Variants in COL11A2 observed in about 807,000 individuals in gnomAD.
COL11A2 encodes collagen alpha-2(XI) chain.
In COL11A2, 116 loss-of-function variants were observed where a neutral mutation model predicts 273.4. That is an observed-to-expected ratio of 0.42 (90% CI 0.36 to 0.49). The LOEUF (loss-of-function observed/expected upper bound fraction) is 0.49. Ranked by LOEUF, COL11A2 falls within the 20% of genes least tolerant of loss-of-function variation. The pLI is 0.00. For missense variants in COL11A2, 1,866 were observed against 2,309.0 expected (o/e 0.81, Z 3.93); for synonymous variants, 782 against 864.2 (o/e 0.90, Z 1.67).
intron 8 of COL11A2, among the ~76,000 whole-genome samples, chr6:33,182,303 G>C (rs1478091380): frequency 6.6e-6 from 1 of 152,186 alleles, no homozygotes; most frequent in Non-Finnish European, 1.5e-5. Flanking sequence ...GATGAAAGCT[G>C]TGAGTCTTTC....
Position 33,164,922 on chromosome 6 carries a change from G to A in COL11A2, c.4793C>T (p.Ala1598Val). Residue 1598 changes from alanine (A) to valine (V), a missense_variant, in exon 64 of 66, where the codon GCC (alanine) becomes GTC (valine). Transcript: ENST00000341947. The surrounding 1 kb of genome is among the most constrained non-coding windows in gnomAD (Gnocchi z 4.7). The stretch of plus-strand genomic sequence containing the variant: ...TGTGAAGTTGCAGAAAACTCGGAAG[G>A]CATCCCGAGCACAGCCCTGGTTGGG... ...VDPNQGCARD[A>V]FRVFCNFTAG... 2 of 1,580,986 alleles carry A rather than the reference G, an allele frequency of 1.3e-6. No homozygotes were observed. Among genetic ancestry groups the A allele is most frequent in the Non-Finnish European group, 1.7e-6 (2 of 1,162,096 alleles).
chr6:33,164,522 C>G lies in COL11A2; in HGVS notation c.4864-49G>C. On this transcript the variant is annotated intron_variant, in intron 64 of 65. Coordinates refer to ENST00000341947, the MANE Select transcript of COL11A2 (RefSeq NM_080680.3). The surrounding 1 kb of genome is among the most constrained non-coding windows in gnomAD (Gnocchi z 4.7). The stretch of plus-strand genomic sequence containing the variant: ...CTCAGAGGGGGAGAGAGAGGGCTGG[C>G]CTCAGAGGGAGACAGAGACGGGCCT... The G allele has an allele frequency of 6.9e-7, 1 of 1,445,120 alleles. No individual in the cohort carries two copies. Among genetic ancestry groups the G allele is most frequent in the Non-Finnish European group, 9.3e-7 (1 of 1,076,116 alleles). 89.5% of individuals were successfully genotyped at this position (1,445,120 alleles called of 1,614,324 possible). A position where few individuals can be genotyped will look rare whatever the true frequency, so the allele number is the denominator to read the frequency against.
chr6:33,179,001 A>G lies in COL11A2; in HGVS notation c.1612-28T>C. ...GGGAGAACAAGGGAAGTGTCAGAAC[A>G]AGCAGGGCCGCAGTCCCCTACCCTG... On this transcript the variant is annotated intron_variant, in intron 16 of 65. Coordinates refer to ENST00000341947, the MANE Select transcript of COL11A2 (RefSeq NM_080680.3). The surrounding 1 kb of genome is among the most constrained non-coding windows in gnomAD (Gnocchi z 6.4). The G allele has an allele frequency of 6.2e-7, 1 of 1,614,096 alleles. No homozygotes were observed. Among genetic ancestry groups the G allele is most frequent in the South Asian group, 1.1e-5 (1 of 91,080 alleles).
In COL11A2 at chr6:33,177,217, G is replaced by A. The variant is rs2229786; in HGVS notation, c.1980C>T (p.Pro660=). Reference sequence around the variant, plus strand: ...GAGGGCCGATGGCACCCTGGGGCCCGGGAAGACCCTACATACAGGGAAAGA... The same window carrying A: ...GAGGGCCGATGGCACCCTGGGGCCCAGGAAGACCCTACATACAGGGAAAGA... ...QQGTPGTQGL[P]GPQGAIGPHG... The change falls in exon 24 of 66, where the codon CCC becomes CCT. Residue 660 remains proline, a synonymous_variant. Transcript: ENST00000341947. The surrounding 1 kb of genome is among the most constrained non-coding windows in gnomAD (Gnocchi z 5.9). 113 of 1,612,994 alleles carry A rather than the reference G, an allele frequency of 7.0e-5. No homozygotes were observed. The East Asian group carries it at 1.3e-3, about 19-fold the overall frequency.
intron 1 of COL11A2, among the ~76,000 whole-genome samples, chr6:33,191,183 C>T (rs1254690221): frequency 6.6e-6 from 1 of 152,328 alleles, no homozygotes; most frequent in African/African-American, 2.4e-5. Context: ...AGGCACCATA[C>T]GCCTCAATTT....
chr6:33,169,715 G>C lies in COL11A2; in HGVS notation c.3690+116C>G. The stretch of plus-strand genomic sequence containing the variant: ...ATCAGGCCTCATAGAGGATGGCAGG[G>C]AGCAGAGACTCTTGCTGCAGAGGAG... On this transcript the variant is annotated intron_variant, in intron 50 of 65. Transcript: ENST00000341947. The surrounding 1 kb of genome is among the most constrained non-coding windows in gnomAD (Gnocchi z 5.5). 1 of 1,319,562 alleles carries C rather than the reference G, an allele frequency of 7.6e-7. No individual in the cohort carries two copies. The highest frequency in any genetic ancestry group is 1.1e-6 in the Non-Finnish European group (1 of 912,164). The allele number at this position is 1,319,562 out of a possible 1,614,324, so 81.7% of individuals were successfully genotyped here.
chr6:33,173,356 C>G lies in COL11A2; in HGVS notation c.2728G>C (p.Gly910Arg), dbSNP rs905715005. 1 of 1,612,430 alleles carries G rather than the reference C, an allele frequency of 6.2e-7. No individual in the cohort carries two copies. The highest frequency in any genetic ancestry group is 8.5e-7 in the Non-Finnish European group (1 of 1,179,904). The change falls in exon 37 of 66, where the codon GGA (glycine) becomes CGA (arginine). Residue 910 changes from glycine (G) to arginine (R), a missense_variant. Transcript: ENST00000341947. This position sits in a 1 kb window ranked among gnomAD's most constrained non-coding sequence, Gnocchi z 6.3. The part of the protein sequence containing the change: ...DGLPGHPGQR[G>R]EVGFQGKTGP... Reference sequence around the variant, plus strand: ...CCAGGAGCATCACTCACCACTTCTCCTCTTTGGCCTGGGTGTCCCGGCAGC... The same window carrying G: ...CCAGGAGCATCACTCACCACTTCTCGTCTTTGGCCTGGGTGTCCCGGCAGC...
chr6:33,174,688 AC>A, intron 30 of COL11A2, 108 bp from the exon 31 acceptor site: 1 of 950,120 alleles, frequency 1.1e-6, no homozygotes, highest in Non-Finnish European at 1.7e-6. Context: ...CCAGCAACAC[AC>A]CCCACACACC....
At position 33,188,461 on chromosome 6, in the gene COL11A2, C is replaced by A; in HGVS notation, c.507G>T (p.Lys169Asn). ...TTCGGGGGAGAGGCCGGGTGACTCGCTTCTTGCAGTCAACAATGAGGGTGA... is the reference window on the plus strand; with the variant it reads ...TTCGGGGGAGAGGCCGGGTGACTCGATTCTTGCAGTCAACAATGAGGGTGA... Reference protein sequence around the residue: ...QSVTLIVDCKKRVTRPLPRSA... With the variant: ...QSVTLIVDCKNRVTRPLPRSA... The change falls in exon 4 of 66, where the codon AAG becomes AAT. Residue 169 changes from lysine (K) to asparagine (N), a missense_variant. Lys to Asn is a moderately conservative substitution (Grantham distance 94). Transcript: ENST00000341947. 6.2e-7 allele frequency: 1 copy of A among 1,613,016 alleles called. No homozygotes were observed. Among genetic ancestry groups the A allele is most frequent in the Non-Finnish European group, 8.5e-7 (1 of 1,180,020 alleles).
intron 41 of COL11A2, 50 bp downstream of exon 41, chr6:33,172,000 C>T (rs763559790): frequency 6.2e-7 from 1 of 1,605,184 alleles, no homozygotes. Context: ...CCCTTCCTCA[C>T]CCACCCCTTT....
chr6:33,166,676 C>A lies in COL11A2; in HGVS notation c.4338+44G>T. ...ACTCCAACTCCACCCCTCTCCACCC[C>A]ACTCTCAACCCCCACAACTTCCGGG... On this transcript the variant is annotated intron_variant, in intron 59 of 65. Coordinates refer to ENST00000341947, the MANE Select transcript of COL11A2 (RefSeq NM_080680.3). This position sits in a 1 kb window ranked among gnomAD's most constrained non-coding sequence, Gnocchi z 4.8. The A allele has an allele frequency of 6.2e-7, 1 of 1,612,682 alleles. No individual in the cohort carries two copies. Among genetic ancestry groups the A allele is most frequent in the Non-Finnish European group, 8.5e-7 (1 of 1,178,838 alleles).
chr6:33,171,651 C>T (rs758978514), intron 42 of COL11A2, 62 bp downstream of exon 42: 2 of 1,597,238 alleles, frequency 1.3e-6, no homozygotes, highest in Non-Finnish European at 1.7e-6. Flanking sequence ...CTTGTCATAG[C>T]CCATCAACCC....
rs769380263 is a variant in COL11A2, at chr6:33,180,652, G to A, written c.1284+16C>T. On this transcript the variant is annotated intron_variant, in intron 11 of 65. Coordinates refer to ENST00000341947, the MANE Select transcript of COL11A2 (RefSeq NM_080680.3). ...TCCCCCGAAGCTCCCCCGTCACATGGAGGACACCCCCTTACCCTCTCTCCA... is the reference window on the plus strand; with the variant it reads ...TCCCCCGAAGCTCCCCCGTCACATGAAGGACACCCCCTTACCCTCTCTCCA... 13 of 1,599,240 alleles carry A rather than the reference G, an allele frequency of 8.1e-6. No homozygotes were observed. The highest frequency in any genetic ancestry group is 6.7e-5 in the South Asian group (6 of 88,994).
Position 33,166,929 on chromosome 6 carries a change from T to A in COL11A2, c.4231-102A>T. On this transcript the variant is annotated intron_variant, in intron 58 of 65. Coordinates refer to ENST00000341947, the MANE Select transcript of COL11A2 (RefSeq NM_080680.3). This position sits in a 1 kb window ranked among gnomAD's most constrained non-coding sequence, Gnocchi z 4.8. ...GAGAGGGAGCCGGGCACAGGGTCCG[T>A]GAGTGGCCCTCACTGAGCAGGGACT... 1 of 1,512,922 alleles carries A rather than the reference T, an allele frequency of 6.6e-7. No homozygotes were observed. The highest frequency in any genetic ancestry group is 9.1e-7 in the Non-Finnish European group (1 of 1,104,280). 93.7% of individuals were successfully genotyped at this position (1,512,922 alleles called of 1,614,324 possible).
In COL11A2 at chr6:33,176,342, G is replaced by A. The variant is rs375287016; in HGVS notation, c.2170-39C>T. 2.2e-3 allele frequency: 3,510 copies of A among 1,601,308 alleles called. 91 individuals carry two copies. In the South Asian group the frequency reaches 0.033, roughly 15 times the overall value. On this transcript the variant is annotated intron_variant, in intron 27 of 65. Transcript: ENST00000341947. This position sits in a 1 kb window ranked among gnomAD's most constrained non-coding sequence, Gnocchi z 4.9. ...GGGGATAGAAGTAGACTGATCAGGG[G>A]ATGGAGGTGGGTTGGAAGGACCAAG... is the stretch of plus-strand genomic sequence containing the variant.
In COL11A2 at chr6:33,179,910, C is replaced by T; in HGVS notation, c.1360-105G>A. 3 of 1,079,740 alleles carry T rather than the reference C, an allele frequency of 2.8e-6. No individual in the cohort carries two copies. The highest frequency in any genetic ancestry group is 4.2e-6 in the Non-Finnish European group (3 of 713,982). 66.9% of individuals were successfully genotyped at this position (1,079,740 alleles called of 1,614,324 possible). ...TTCTGCCCCTTGCCCCAGGTTCTGC[C>T]CATCCAGCATTTCCCATGGCTTCCA... On this transcript the variant is annotated intron_variant, in intron 12 of 65. Transcript: ENST00000341947. This position sits in a 1 kb window ranked among gnomAD's most constrained non-coding sequence, Gnocchi z 6.4.
At chr6:33,193,272 CCCGCAGCGCGCCCGGAGGGAAGG>C (rs1471178644), upstream of COL11A2, among the ~76,000 whole-genome samples, 2 of 151,936 alleles carry the variant, frequency 1.3e-5, no homozygotes, top group Non-Finnish European at 2.9e-5. Flanking sequence ...CTGCCCGGAG[CCCGCAGCGCGCCCGGAGGGAAGG>C]CCGCAGCGAG....
Position 33,173,854 on chromosome 6 carries a change from C to T in COL11A2, c.2583+19G>A. 6.2e-7 allele frequency: 1 copy of T among 1,613,946 alleles called. No homozygotes were observed. The highest frequency in any genetic ancestry group is 8.5e-7 in the Non-Finnish European group (1 of 1,179,902). ...CTGAGTGGGCAGGGGGCAGTTGGAG[C>T]CTTGTAGAGACCATTCACCTTAGCT... On this transcript the variant is annotated intron_variant, in intron 34 of 65. Coordinates refer to ENST00000341947, the MANE Select transcript of COL11A2 (RefSeq NM_080680.3). The surrounding 1 kb of genome is among the most constrained non-coding windows in gnomAD (Gnocchi z 6.3).
Position 33,190,680 on chromosome 6 carries a change from C to A in COL11A2, c.83-1211G>T, listed in dbSNP as rs953863801. Among the ~76,000 whole-genome samples the A allele has an allele frequency of 2.0e-5, 3 of 152,080 alleles. No homozygotes were observed. The highest frequency in any genetic ancestry group is 7.2e-5 in the African/African-American group (3 of 41,390). ...CAGGAGCCGGGAAACCACGGCCTTC[C>A]CCCCCAACCCCCACCTAAGCCTGGC... is the stretch of plus-strand genomic sequence containing the variant. On this transcript the variant is annotated intron_variant, in intron 1 of 65. Transcript: ENST00000341947. The surrounding 1 kb of genome is among the most constrained non-coding windows in gnomAD (Gnocchi z 4.5).
Sources: gnomAD v4.1 joint callset for allele counts (sites outside exome capture counted in the v4.1 genomes callset) on GRCh38, gnomAD v4.1.1 for gene constraint, Gnocchi (gnomAD v3.1) non-coding constraint, MANE v1.5 for transcripts, NCBI Gene and HGNC (gene_info 2026-07-23, HGNC 2026-07-21) for gene names.